MEI4: variants seen among roughly 807,000 people sequenced by gnomAD.
MEI4 encodes meiosis-specific protein MEI4.
Under a neutral mutation model 31.4 loss-of-function variants are expected in MEI4, and 27 were observed. That is an observed-to-expected ratio of 0.86 (90% confidence interval 0.63 to 1.19). The LOEUF (loss-of-function observed/expected upper bound fraction) is 1.19, where lower values mean the gene tolerates loss of function less well. Ranked by LOEUF, MEI4 falls within the 50% of genes most tolerant of loss-of-function variation. The pLI is 0.00. For synonymous variants in MEI4, 122 were observed against 145.4 expected, an observed-to-expected ratio of 0.84 and a Z score of 1.16; for missense variants, 329 against 398.9, an observed-to-expected ratio of 0.82 and a Z score of 1.49.
chr6:77,754,818 A>G (rs1767870768), intron 2 of MEI4, among the ~76,000 whole-genome samples: 1 of 152,040 alleles, frequency 6.6e-6, no homozygotes. Flanking sequence ...AGAGCCCCTT[A>G]TAAAACCACC....
intron 2 of MEI4, among the ~76,000 whole-genome samples, chr6:77,730,993 T>C (rs1424706503): frequency 6.6e-6 from 1 of 151,848 alleles, no homozygotes; most frequent in Non-Finnish European, 1.5e-5. Context: ...TTCCATGGTG[T>C]ATATGTGCCA....
At chr6:77,913,909 C>T (rs1177296769) in intron 4 of MEI4, among the ~76,000 whole-genome samples, 1 of 151,436 alleles carries the variant, frequency 6.6e-6, no homozygotes, top group African/African-American at 2.4e-5. Context: ...TGGCGGGCAC[C>T]TGTAGTCCCA....
intron 2 of MEI4, among the ~76,000 whole-genome samples, chr6:77,714,705 A>G (rs1582052157): frequency 6.6e-6 from 1 of 152,246 alleles, no homozygotes; most frequent in East Asian, 1.9e-4. Context: ...CTATCTGTGC[A>G]TTACCTCTGC....
intron 3 of MEI4, among the ~76,000 whole-genome samples, chr6:77,797,367 C>T (rs1194148912): frequency 6.6e-6 from 1 of 152,008 alleles, no homozygotes; most frequent in Non-Finnish European, 1.5e-5. Context: ...TTTTGCACAG[C>T]CAGGGAAACA....
chr6:77,731,151 G>A (rs1290383976), intron 2 of MEI4, among the ~76,000 whole-genome samples: 2 of 151,756 alleles, frequency 1.3e-5, no homozygotes, highest in Non-Finnish European at 2.9e-5. Flanking sequence ...CCAGTAATGG[G>A]ATGGCTGGGT....
chr6:77,761,384 T>G lies in MEI4; in HGVS notation c.487T>G (p.Leu163Val). 8.1e-7 allele frequency: 1 copy of G among 1,232,264 alleles called. No individual in the cohort carries two copies. Among genetic ancestry groups the G allele is most frequent in the African/African-American group, 1.5e-5 (1 of 64,544 alleles). 76.3% of individuals were successfully genotyped at this position (1,232,264 alleles called of 1,614,324 possible). The change falls in exon 3 of 5, where the codon TTG (leucine) becomes GTG (valine). Residue 163 changes from leucine (L) to valine (V), a missense_variant. Transcript: ENST00000684080. ...GCAATATCTACTTGAATTAAAGAAC[T>G]TGACAGAATCAGGTAATCTTAAAAG... ...FLQYLLELKN[L>V]TESGNLKRDL...
chr6:77,684,401 T>A (rs1769014330), intron 1 of MEI4, among the ~76,000 whole-genome samples: 1 of 152,126 alleles, frequency 6.6e-6, no homozygotes, highest in Admixed American at 6.6e-5. Context: ...CATTATTGAC[T>A]GTAGTTACCC....
chr6:77,746,819 T>C (rs1767622621), intron 2 of MEI4, among the ~76,000 whole-genome samples: 2 of 152,034 alleles, frequency 1.3e-5, no homozygotes, highest in Non-Finnish European at 2.9e-5. Context: ...CTGGCCCTAG[T>C]GACAGGAGGG....
chr6:77,691,458 C>T (rs928203816), intron 2 of MEI4, among the ~76,000 whole-genome samples: 4 of 152,076 alleles, frequency 2.6e-5, no homozygotes, highest in African/African-American at 9.7e-5. Context: ...CTCTGGCCCT[C>T]AAAGTTCTGT....
intron 4 of MEI4, among the ~76,000 whole-genome samples, chr6:77,908,527 A>C (rs939026938): frequency 6.6e-6 from 1 of 152,102 alleles, no homozygotes; most frequent in African/African-American, 2.4e-5. Flanking sequence ...TCGTACCAGT[A>C]TCATGCTGTT....
chr6:77,896,436 C>T (rs895901127), intron 4 of MEI4, among the ~76,000 whole-genome samples: 3 of 152,056 alleles, frequency 2.0e-5, no homozygotes, highest in Non-Finnish European at 4.4e-5. Context: ...AAAATCACAT[C>T]AACTTTCCTC....
At chr6:77,873,834 T>G (rs1771261271) in intron 4 of MEI4, among the ~76,000 whole-genome samples, 1 of 152,192 alleles carries the variant, frequency 6.6e-6, no homozygotes, top group Admixed American at 6.5e-5. Context: ...GCTAGCCAGT[T>G]TTCCCAGCAC....
At chr6:77,883,211 A>AGTAT (rs1207901806) in intron 4 of MEI4, among the ~76,000 whole-genome samples, 1 of 152,108 alleles carries the variant, frequency 6.6e-6, no homozygotes, top group Non-Finnish European at 1.5e-5. Context: ...ATATTTATGG[A>AGTAT]GTATGTGTGA....
chr6:77,811,796 CT>C (rs1418254046), intron 3 of MEI4, among the ~76,000 whole-genome samples: 1 of 151,346 alleles, frequency 6.6e-6, no homozygotes, highest in Non-Finnish European at 1.5e-5. Context: ...AAAATTGATA[CT>C]TTTGATACAT....
chr6:77,730,289 G>C (rs1393993747), intron 2 of MEI4, among the ~76,000 whole-genome samples: 1 of 152,090 alleles, frequency 6.6e-6, no homozygotes. Context: ...TATGCAGGTG[G>C]ATTCACTGTT....
Position 77,925,134 on chromosome 6 carries a change from C to G in MEI4, c.*1788C>G, listed in dbSNP as rs145280379. On this transcript the variant is annotated 3_prime_UTR_variant, in exon 5 of 5. Coordinates refer to ENST00000684080, the MANE Select transcript of MEI4 (RefSeq NM_001322247.2). The stretch of plus-strand genomic sequence containing the variant: ...ACACAAGTATCAGCAATGGCCCTTT[C>G]CCTATTGCAGCCAGCCAACGTAATG... 1.4e-4 allele frequency: 22 copies of G among 151,904 alleles called. No homozygotes were observed. Among genetic ancestry groups the G allele is most frequent in the African/African-American group, 5.1e-4 (21 of 41,500 alleles). 9.4% of individuals were successfully genotyped at this position (151,904 alleles called of 1,614,324 possible).
chr6:77,920,192 A>G (rs1233559192), intron 4 of MEI4, among the ~76,000 whole-genome samples: 2 of 151,882 alleles, frequency 1.3e-5, no homozygotes, highest in Admixed American at 6.6e-5. Flanking sequence ...CAGAGACACC[A>G]CCAAAAAAGA....
rs1401936124 is a variant in MEI4 at position 77,923,947 on chromosome 6, C to T, written c.*601C>T. On this transcript the variant is annotated 3_prime_UTR_variant, in exon 5 of 5. Coordinates refer to ENST00000684080, the MANE Select transcript of MEI4 (RefSeq NM_001322247.2). ...CATTTGTCGAGCTCTTTTGAAAATACTATTAATTAGTTGTTTAAAATGTTC... is the reference window on the plus strand; with the variant it reads ...CATTTGTCGAGCTCTTTTGAAAATATTATTAATTAGTTGTTTAAAATGTTC... 4 of 70,378 alleles carry T rather than the reference C, an allele frequency of 5.7e-5. No individual in the cohort carries two copies. Among genetic ancestry groups the T allele is most frequent in the Non-Finnish European group, 1.1e-4 (4 of 37,712 alleles). The allele number at this position is 70,378 out of a possible 1,614,324, so 4.4% of individuals were successfully genotyped here.
At chr6:77,792,945 C>T (rs1027213673) in intron 3 of MEI4, among the ~76,000 whole-genome samples, 1 of 152,106 alleles carries the variant, frequency 6.6e-6, no homozygotes, top group Non-Finnish European at 1.5e-5. Flanking sequence ...ATCTCCTGAC[C>T]TCGTGATCCG....
Sources: allele counts gnomAD v4.1 joint callset (sites outside exome capture counted in the v4.1 genomes callset), GRCh38; gene constraint gnomAD v4.1.1; transcripts MANE v1.5; gene names NCBI Gene and HGNC (gene_info 2026-07-23, HGNC 2026-07-21).